CCDC18: variants seen among roughly 807,000 people sequenced by gnomAD.
The protein encoded by CCDC18 is coiled-coil domain containing 18.
CCDC18 carries 157 observed loss-of-function variants against 196.0 expected under a neutral mutation model. The ratio of observed to expected loss-of-function variants is 0.80; its 90% CI spans 0.70 to 0.91. The LOEUF (loss-of-function observed/expected upper bound fraction) is 0.91, where lower values mean the gene tolerates loss of function less well. Among genes scored for constraint, CCDC18 ranks in the 40% least tolerant of loss-of-function variants. The pLI, the probability that CCDC18 is intolerant of heterozygous loss-of-function variation, is 0.00. For missense variants in CCDC18, 1,465 were observed against 1,611.6 expected, an observed-to-expected ratio of 0.91 and a Z score of 1.56; for synonymous variants, 482 against 529.2, an observed-to-expected ratio of 0.91 and a Z score of 1.22.
rs1331915569 is a variant in CCDC18, at chr1:93,270,581, T to C, written c.4120T>C (p.Leu1374=). Residue 1374 remains leucine, a synonymous_variant, in exon 28 of 29, where the codon TTA becomes CTA. Coordinates refer to ENST00000690025, the MANE Select transcript of CCDC18 (RefSeq NM_001378204.1). ...TGGTGATGAAGATCTTTCTGAAGAA[T>C]TACTACAGGACTTAAAGAAAATGCA... The part of the protein sequence containing the change: ...IHGDEDLSEE[L]LQDLKKMQLE... 2 of 1,550,412 alleles carry C rather than the reference T, an allele frequency of 1.3e-6. No individual in the cohort carries two copies. The highest frequency in any genetic ancestry group is 2.0e-5 in the Admixed American group (1 of 51,002).
chr1:93,239,254 A>T, intron 19 of CCDC18, 56 bp from the exon 20 acceptor site: 5 of 1,311,354 alleles, frequency 3.8e-6, no homozygotes, highest in Non-Finnish European at 5.1e-6. Context: ...TTAGTCAGAG[A>T]CAAGTTAGTT....
At chr1:93,268,566 CTT>C (rs1664839666) in intron 27 of CCDC18, among the ~76,000 whole-genome samples, 1 of 135,584 alleles carries the variant, frequency 7.4e-6, no homozygotes. Flanking sequence ...CTACAAAGAA[CTT>C]AAACAAATTT....
At chr1:93,240,142 T>C (rs1036100442) in intron 21 of CCDC18, among the ~76,000 whole-genome samples, 3 of 152,200 alleles carry the variant, frequency 2.0e-5, no homozygotes, top group African/African-American at 4.8e-5. Flanking sequence ...TGGGCATGCA[T>C]ACAGCAGTGG....
At chr1:93,240,832 A>G (rs937212039) in intron 21 of CCDC18, among the ~76,000 whole-genome samples, 3 of 152,156 alleles carry the variant, frequency 2.0e-5, no homozygotes, top group Non-Finnish European at 2.9e-5. Flanking sequence ...TTTTCTCATA[A>G]CCCTACCCTT....
intron 27 of CCDC18, among the ~76,000 whole-genome samples, chr1:93,269,358 T>G (rs2101504674): frequency 6.6e-6 from 1 of 151,162 alleles, no homozygotes; most frequent in Admixed American, 6.6e-5. Context: ...CACACCAACA[T>G]GGCACATGTA....
intron 4 of CCDC18, chr1:93,190,793 G>A: frequency 1.5e-6 from 1 of 682,884 alleles, no homozygotes; most frequent in Non-Finnish European, 2.7e-6. Flanking sequence ...AGTTGAGAAA[G>A]CTTGCATCTT....
intron 23 of CCDC18, among the ~76,000 whole-genome samples, chr1:93,251,664 T>C (rs921409602): frequency 6.6e-6 from 1 of 152,204 alleles, no homozygotes; most frequent in African/African-American, 2.4e-5. Context: ...ATCTTCCTTA[T>C]ATATTATTTG....
intron 28 of CCDC18, among the ~76,000 whole-genome samples, chr1:93,277,042 G>T (rs1665660558): frequency 8.8e-6 from 1 of 113,740 alleles, no homozygotes; most frequent in Non-Finnish European, 1.7e-5. Flanking sequence ...ACAAACACGT[G>T]AACAAAGGTC....
chr1:93,183,256 T>C (rs573805694), intron 1 of CCDC18, 104 bp from the exon 2 acceptor site: 16 of 807,122 alleles, frequency 2.0e-5, no homozygotes, highest in Admixed American at 3.0e-5. Context: ...TTTCACAACA[T>C]TTAAAATAGA....
chr1:93,244,820 T>C (rs1468743073), intron 21 of CCDC18, among the ~76,000 whole-genome samples: 1 of 152,222 alleles, frequency 6.6e-6, no homozygotes. Flanking sequence ...ATTTTTCTTA[T>C]ACTTTACACT....
chr1:93,234,936 AGTGTGT>A (rs3223482), intron 18 of CCDC18, among the ~76,000 whole-genome samples: 65 of 119,372 alleles, frequency 5.4e-4, no homozygotes, highest in African/African-American at 1.8e-3. Context: ...CCCAGCTAAG[AGTGTGT>A]GTGTGTGTGT....
intron 4 of CCDC18, among the ~76,000 whole-genome samples, chr1:93,188,635 C>G (rs556808413): frequency 2.8e-4 from 43 of 152,284 alleles, no homozygotes; most frequent in South Asian, 4.1e-4. Context: ...AGCATGTAAT[C>G]TCTTTTTTCC....
chr1:93,203,631 G>A (rs543344895), intron 7 of CCDC18, among the ~76,000 whole-genome samples: 19 of 152,258 alleles, frequency 1.2e-4, no homozygotes, highest in African/African-American at 4.3e-4. Context: ...TAAAAAGAAG[G>A]TGGTGATCTT....
rs180794881 is a variant in CCDC18, at chr1:93,235,397, G to A, written c.2461-851G>A. Reference sequence around the variant, plus strand: ...TGAATGTTGCTGTCATGGGCTACTGGAATCAGTGTCAAGTAAAATGAAGGT... The same window carrying A: ...TGAATGTTGCTGTCATGGGCTACTGAAATCAGTGTCAAGTAAAATGAAGGT... On this transcript the variant is annotated intron_variant, in intron 18 of 28. Coordinates refer to ENST00000690025, the MANE Select transcript of CCDC18 (RefSeq NM_001378204.1). Among the ~76,000 whole-genome samples the A allele has an allele frequency of 8.1e-4, 123 of 152,290 alleles. 1 individual carries two copies. The South Asian group carries it at 8.9e-3, about 11-fold the overall frequency.
intron 23 of CCDC18, among the ~76,000 whole-genome samples, chr1:93,250,784 TATA>T (rs34483716): frequency 0.29 from 43,481 of 152,030 alleles, 9,406 homozygotes; most frequent in African/African-American, 0.61. Flanking sequence ...CTATTTCTGC[TATA>T]CTTTTGATTT....
At chr1:93,261,295 T>A (rs1003517014) in intron 26 of CCDC18, among the ~76,000 whole-genome samples, 1 of 152,038 alleles carries the variant, frequency 6.6e-6, no homozygotes, top group African/African-American at 2.4e-5. Flanking sequence ...TTGTGAAAAA[T>A]TTAAATATAT....
intron 9 of CCDC18, among the ~76,000 whole-genome samples, chr1:93,209,326 ATG>A (rs1274919327): frequency 1.3e-5 from 2 of 152,226 alleles, no homozygotes; most frequent in African/African-American, 4.8e-5. Context: ...ATATATATAA[ATG>A]AGATTAAGAA....
chr1:93,258,113 ATAATAAT>A (rs1663272671), intron 25 of CCDC18, among the ~76,000 whole-genome samples: 2 of 150,130 alleles, frequency 1.3e-5, no homozygotes, highest in Admixed American at 6.8e-5. Flanking sequence ...AAATTAATTA[ATAATAAT>A]TAATTAAAAG....
intron 14 of CCDC18, 73 bp downstream of exon 14, chr1:93,217,942 T>C (rs562909506): frequency 3.2e-6 from 4 of 1,268,852 alleles, no homozygotes; most frequent in Non-Finnish European, 4.4e-6. Flanking sequence ...ATTTTTTATT[T>C]TGTAGACGAG....
Sources: allele counts gnomAD v4.1 joint callset (sites outside exome capture counted in the v4.1 genomes callset), GRCh38; gene constraint gnomAD v4.1.1; transcripts MANE v1.5; gene names NCBI Gene and HGNC (gene_info 2026-07-23, HGNC 2026-07-21).